The following SCCPDH variants were observed in gnomAD, a reference collection of about 807,000 sequenced individuals.
The protein encoded by SCCPDH is saccharopine dehydrogenase-like oxidoreductase.
SCCPDH carries 34 observed loss-of-function variants against 51.5 expected under a neutral mutation model. The ratio of observed to expected loss-of-function variants is 0.66; its 90% CI spans 0.50 to 0.88. The LOEUF is 0.88. SCCPDH is among the 40% of genes least tolerant of loss of function. The pLI, the probability that SCCPDH is intolerant of heterozygous loss-of-function variation, is 0.00. For missense variants in SCCPDH, 464 were observed against 527.1 expected, an observed-to-expected ratio of 0.88 and a Z score of 1.17; for synonymous variants, 187 against 191.3, an observed-to-expected ratio of 0.98 and a Z score of 0.19.
At chr1:246,750,677 A>G (rs1310639932) in intron 5 of SCCPDH, among the ~76,000 whole-genome samples, 2 of 152,214 alleles carry the variant, frequency 1.3e-5, no homozygotes, top group East Asian at 1.9e-4. Flanking sequence ...CCTGGGTATA[A>G]TATTTTCAAC....
intron 10 of SCCPDH, among the ~76,000 whole-genome samples, chr1:246,765,627 G>C (rs780895163): frequency 3.3e-5 from 5 of 152,122 alleles, no homozygotes; most frequent in South Asian, 2.1e-4. Context: ...TACAGATAGG[G>C]ATCGGCTCAG....
At chr1:246,740,069 G>A (rs1252116266) in intron 3 of SCCPDH, 103 bp from the exon 4 acceptor site, 1 of 902,666 alleles carries the variant, frequency 1.1e-6, no homozygotes, top group Non-Finnish European at 1.6e-6. Context: ...ACACTGCTTA[G>A]CATTTTCAAA....
chr1:246,737,734 G>C (rs913240114), intron 3 of SCCPDH, among the ~76,000 whole-genome samples: 3 of 151,960 alleles, frequency 2.0e-5, no homozygotes, highest in Non-Finnish European at 4.4e-5. Flanking sequence ...TGGGGGTACA[G>C]GTGCACACCA....
At chr1:246,736,324 T>C (rs1037942638) in intron 3 of SCCPDH, among the ~76,000 whole-genome samples, 7 of 152,242 alleles carry the variant, frequency 4.6e-5, no homozygotes, top group African/African-American at 1.7e-4. Flanking sequence ...TGCTTTAAAC[T>C]GAATCAATTA....
chr1:246,760,724 C>G (rs1669000765), intron 9 of SCCPDH, among the ~76,000 whole-genome samples: 1 of 152,184 alleles, frequency 6.6e-6, no homozygotes, highest in Non-Finnish European at 1.5e-5. Context: ...AGATCCCAAC[C>G]CTGGCTCAGG....
chr1:246,751,176 A>C (rs778185129), intron 5 of SCCPDH, among the ~76,000 whole-genome samples: 3 of 152,366 alleles, frequency 2.0e-5, no homozygotes, highest in Non-Finnish European at 2.9e-5. Flanking sequence ...AGATCAGCTA[A>C]ATGTCACCTT....
At chr1:246,724,806 T>C (rs989075121) in intron 1 of SCCPDH, among the ~76,000 whole-genome samples, 194 bp downstream of exon 1, 8 of 152,206 alleles carry the variant, frequency 5.3e-5, no homozygotes, top group South Asian at 2.1e-4. Flanking sequence ...TATGTGTGTG[T>C]GCGCGTGCGT....
chr1:246,738,029 C>G (rs967770929), intron 3 of SCCPDH, among the ~76,000 whole-genome samples: 32 of 152,154 alleles, frequency 2.1e-4, no homozygotes, highest in Admixed American at 2.1e-3. Flanking sequence ...AACCCCATCT[C>G]TACTAAAAAT....
intron 3 of SCCPDH, among the ~76,000 whole-genome samples, chr1:246,736,698 C>G (rs1272109456): frequency 4.0e-5 from 6 of 151,402 alleles, no homozygotes; most frequent in Non-Finnish European, 7.4e-5. Flanking sequence ...GAGAGCGAGA[C>G]TCTGTCTCAA....
At position 246,759,190 on chromosome 1, in the gene SCCPDH, T is replaced by TAA. The variant is rs778793151; in HGVS notation, c.813+40_813+41insAA. 4 of 1,083,810 alleles carry TAA rather than the reference T, an allele frequency of 3.7e-6. No individual in the cohort carries two copies. The East Asian group carries it at 7.1e-5, about 19-fold the overall frequency. 67.1% of individuals were successfully genotyped at this position (1,083,810 alleles called of 1,614,324 possible). Reference sequence around the variant, plus strand: ...GTTTATTTATCAATAAAGTGTGTGTTACAGTTCCTCTTTCTATTCAGTGTG... The same window carrying TAA: ...GTTTATTTATCAATAAAGTGTGTGTTAAACAGTTCCTCTTTCTATTCAGTGTG... On this transcript the variant is annotated intron_variant, in intron 7 of 11. Coordinates refer to ENST00000366510, the MANE Select transcript of SCCPDH (RefSeq NM_016002.3).
chr1:246,765,437 C>T (rs926999230), intron 10 of SCCPDH, among the ~76,000 whole-genome samples: 1 of 152,164 alleles, frequency 6.6e-6, no homozygotes, highest in African/African-American at 2.4e-5. Context: ...CCATCTTGCC[C>T]TTTTCTGAAA....
intron 5 of SCCPDH, among the ~76,000 whole-genome samples, chr1:246,750,287 A>G (rs9426271): frequency 0.29 from 44,796 of 152,124 alleles, 8,127 homozygotes; most frequent in South Asian, 0.41. Context: ...GAGGGACGAG[A>G]AAGTGGAAGA....
intron 3 of SCCPDH, among the ~76,000 whole-genome samples, chr1:246,736,350 C>G (rs1269822434): frequency 6.6e-6 from 1 of 152,130 alleles, no homozygotes; most frequent in Non-Finnish European, 1.5e-5. Context: ...GCGGACTGTG[C>G]ATAATTCTTA....
intron 10 of SCCPDH, among the ~76,000 whole-genome samples, chr1:246,765,292 G>A (rs1006877477): frequency 6.6e-6 from 1 of 152,138 alleles, no homozygotes; most frequent in Non-Finnish European, 1.5e-5. Flanking sequence ...TTATTGAGAC[G>A]GGGTCTCACT....
chr1:246,744,318 A>T (rs7414184), intron 5 of SCCPDH, among the ~76,000 whole-genome samples, 193 bp downstream of exon 5: 38,462 of 151,390 alleles, frequency 0.25, 4,968 homozygotes, highest in South Asian at 0.3. Flanking sequence ...ATTTTATTTT[A>T]TTTATTTATT....
chr1:246,751,983 G>A (rs1038631460), intron 5 of SCCPDH, among the ~76,000 whole-genome samples: 6 of 149,016 alleles, frequency 4.0e-5, no homozygotes, highest in Admixed American at 2.7e-4. Context: ...GGCTTTCACC[G>A]TGTTAGCCAG....
intron 5 of SCCPDH, among the ~76,000 whole-genome samples, chr1:246,750,303 C>T (rs1668832324): frequency 6.6e-6 from 1 of 152,090 alleles, no homozygotes; most frequent in African/African-American, 2.4e-5. Context: ...GAAGATAAAC[C>T]AAACATACAA....
At chr1:246,756,747 A>G (rs1300535473) in intron 5 of SCCPDH, among the ~76,000 whole-genome samples, 2 of 152,232 alleles carry the variant, frequency 1.3e-5, no homozygotes, top group African/African-American at 4.8e-5. Flanking sequence ...TAGATTTGGT[A>G]TCTCTGCTTT....
At chr1:246,758,906 G>A (rs552159879) in intron 6 of SCCPDH, 128 bp from the exon 7 acceptor site, 41 of 711,640 alleles carry the variant, frequency 5.8e-5, no homozygotes, top group South Asian at 3.9e-4. Flanking sequence ...CTCCTGCCTC[G>A]GCCTCCCAAA....
Sources: allele counts gnomAD v4.1 joint callset (sites outside exome capture counted in the v4.1 genomes callset), GRCh38; gene constraint gnomAD v4.1.1; transcripts MANE v1.5; gene names NCBI Gene and HGNC (gene_info 2026-07-23, HGNC 2026-07-21).